The following TANK variants were observed in gnomAD, a reference collection of about 807,000 sequenced individuals.
TANK encodes TRAF family member-associated NF-kappa-B activator.
In TANK, 15 loss-of-function variants were observed where a neutral mutation model predicts 43.6. The ratio of observed to expected loss-of-function variants is 0.34; its 90% CI spans 0.23 to 0.53. The LOEUF is 0.53. Ranked by LOEUF, TANK falls within the 20% of genes least tolerant of loss-of-function variation. The probability of loss-of-function intolerance (pLI) is 0.94; values close to 1 mark genes in which losing one functional copy is unlikely to be tolerated. For synonymous variants in TANK, 162 were observed against 178.2 expected (o/e 0.91, Z 0.73); for missense variants, 417 against 498.6 (o/e 0.84, Z 1.56).
At chr2:161,179,443 A>G (rs1037361095) in intron 1 of TANK, 171 bp from the exon 2 acceptor site, 22 of 491,184 alleles carry the variant, frequency 4.5e-5, no homozygotes, top group South Asian at 1.6e-4. Context: ...AAAATTGTGG[A>G]ACTTAAGGTT....
chr2:161,218,122 T>C (rs1687199375), intron 4 of TANK, among the ~76,000 whole-genome samples: 1 of 152,158 alleles, frequency 6.6e-6, no homozygotes, highest in Non-Finnish European at 1.5e-5. Context: ...AAGTTATTTT[T>C]GGATGTACAT....
intron 2 of TANK, among the ~76,000 whole-genome samples, chr2:161,199,633 G>C (rs925233505): frequency 6.6e-6 from 1 of 152,136 alleles, no homozygotes; most frequent in Non-Finnish European, 1.5e-5. Flanking sequence ...TAAACTTTTT[G>C]CTTTGCTTAT....
chr2:161,183,593 T>G (rs182054673), intron 2 of TANK, among the ~76,000 whole-genome samples: 28 of 152,266 alleles, frequency 1.8e-4, no homozygotes, highest in Admixed American at 1.1e-3. Context: ...GAAGAAGCCT[T>G]TGCTCACATT....
intron 3 of TANK, among the ~76,000 whole-genome samples, chr2:161,204,009 G>T (rs1446211825): frequency 6.6e-6 from 1 of 152,112 alleles, no homozygotes; most frequent in Non-Finnish European, 1.5e-5. Flanking sequence ...CAAATATTCA[G>T]TAGTTACACT....
chr2:161,231,039 C>T lies in TANK; in HGVS notation c.589C>T (p.Gln197Ter), dbSNP rs2105406530. The T allele has an allele frequency of 6.2e-7, 1 of 1,614,088 alleles. No homozygotes were observed. Reference protein sequence around the residue: ...TDKQEALFKPQAKDDINRGAP... With the variant: ...TDKQEALFKP ...TAAACAAGAAGCGCTGTTTAAGCCT[C>T]AGGCTAAAGATGATATAAATAGAGG... Residue 197 changes from glutamine to a stop codon, truncating the protein, a stop_gained, in exon 7 of 8, where the codon CAG (glutamine) becomes TAG (stop). Transcript: ENST00000392749. LOFTEE classifies it high-confidence loss of function.
At chr2:161,144,680 G>C (rs1250004237) in intron 1 of TANK, among the ~76,000 whole-genome samples, 1 of 152,018 alleles carries the variant, frequency 6.6e-6, no homozygotes, top group African/African-American at 2.4e-5. Context: ...TATAATTTCA[G>C]TTCTTTTGCA....
intron 1 of TANK, among the ~76,000 whole-genome samples, chr2:161,137,441 C>T (rs1285811692): frequency 6.6e-6 from 1 of 152,056 alleles, no homozygotes; most frequent in Non-Finnish European, 1.5e-5. Flanking sequence ...TTCTTTCTAA[C>T]TTTTAAGATA....
At chr2:161,219,471 T>G (rs967521270) in intron 4 of TANK, among the ~76,000 whole-genome samples, 2 of 152,220 alleles carry the variant, frequency 1.3e-5, no homozygotes, top group Non-Finnish European at 1.5e-5. Flanking sequence ...CTCCTAGGAT[T>G]TGTGTTTCTC....
chr2:161,221,747 A>G (rs1343222745), intron 4 of TANK, among the ~76,000 whole-genome samples: 2 of 151,146 alleles, frequency 1.3e-5, no homozygotes, highest in Non-Finnish European at 2.9e-5. Context: ...CAGAATTTTC[A>G]TTTGAAATAT....
chr2:161,205,942 T>C (rs1686634331), intron 4 of TANK, among the ~76,000 whole-genome samples: 1 of 152,172 alleles, frequency 6.6e-6, no homozygotes, highest in African/African-American at 2.4e-5. Flanking sequence ...CGTGGCTAAT[T>C]AGGATACTTT....
intron 2 of TANK, among the ~76,000 whole-genome samples, chr2:161,198,700 A>G (rs7600342): frequency 0.11 from 17,438 of 152,260 alleles, 1,729 homozygotes; most frequent in African/African-American, 0.26. Flanking sequence ...AGAAACCAAA[A>G]GCTCAAAGAG....
At chr2:161,164,893 T>G (rs890307546) in intron 1 of TANK, among the ~76,000 whole-genome samples, 1 of 152,170 alleles carries the variant, frequency 6.6e-6, no homozygotes, top group African/African-American at 2.4e-5. Flanking sequence ...ATGATGGCAA[T>G]TGTTTGTCTC....
chr2:161,209,031 C>A (rs1248953047), intron 4 of TANK, among the ~76,000 whole-genome samples: 1 of 152,082 alleles, frequency 6.6e-6, no homozygotes, highest in Non-Finnish European at 1.5e-5. Flanking sequence ...CTTAATTTAC[C>A]TTATGACAAA....
intron 4 of TANK, chr2:161,219,972 C>T (rs1395213594): frequency 9.1e-6 from 2 of 219,482 alleles, no homozygotes; most frequent in East Asian, 2.8e-4. Flanking sequence ...CCATCCCATC[C>T]CACCTTGGCT....
chr2:161,141,455 G>T (rs1558955584), intron 1 of TANK, among the ~76,000 whole-genome samples: 1 of 151,988 alleles, frequency 6.6e-6, no homozygotes, highest in Non-Finnish European at 1.5e-5. Context: ...AGTGCTGCAT[G>T]CATTAGCTAT....
intron 2 of TANK, among the ~76,000 whole-genome samples, chr2:161,183,027 A>G (rs1685499996): frequency 6.6e-6 from 1 of 152,182 alleles, no homozygotes; most frequent in Non-Finnish European, 1.5e-5. Flanking sequence ...GTTACGAGCT[A>G]GGAACCATGG....
chr2:161,217,585 T>TTG (rs375688309), intron 4 of TANK, among the ~76,000 whole-genome samples: 49,227 of 136,398 alleles, frequency 0.36, 8,930 homozygotes, highest in East Asian at 0.48. Context: ...GGTAGTTGGT[T>TTG]TGTGTGTGTG....
intron 2 of TANK, among the ~76,000 whole-genome samples, chr2:161,187,779 A>G (rs1685731064): frequency 6.6e-6 from 1 of 152,212 alleles, no homozygotes; most frequent in African/African-American, 2.4e-5. Flanking sequence ...CATTTGCTCA[A>G]GGGCATATGG....
At chr2:161,182,693 A>G (rs1390449708) in intron 2 of TANK, among the ~76,000 whole-genome samples, 4 of 152,088 alleles carry the variant, frequency 2.6e-5, no homozygotes, top group Admixed American at 2.6e-4. Context: ...TGGGGCTTCT[A>G]TGGAGACTTC....
Sources: allele counts gnomAD v4.1 joint callset (sites outside exome capture counted in the v4.1 genomes callset), GRCh38; gene constraint gnomAD v4.1.1; transcripts MANE v1.5; gene names NCBI Gene and HGNC (gene_info 2026-07-23, HGNC 2026-07-21).